Variants in UGGT1 observed in about 807,000 individuals in gnomAD.
UGGT1 encodes the protein UDP-glucose:glycoprotein glucosyltransferase 1.
Under a neutral mutation model 203.9 loss-of-function variants are expected in UGGT1, and 107 were observed. That is an observed-to-expected ratio of 0.52 (90% CI 0.45 to 0.62). The LOEUF (loss-of-function observed/expected upper bound fraction) is 0.62. Ranked by LOEUF, UGGT1 falls within the 20% of genes least tolerant of loss-of-function variation. UGGT1 has a pLI of 0.00. For synonymous variants in UGGT1, 628 were observed against 653.5 expected (o/e 0.96, Z 0.59); for missense variants, 1,673 against 1,867.2 (o/e 0.90, Z 1.92).
intron 6 of UGGT1, among the ~76,000 whole-genome samples, chr2:128,114,680 T>A (rs1333184753): frequency 6.6e-6 from 1 of 152,200 alleles, no homozygotes; most frequent in Non-Finnish European, 1.5e-5. Flanking sequence ...CCCTGCTCTG[T>A]AGGTTCTGGA....
intron 38 of UGGT1, among the ~76,000 whole-genome samples, chr2:128,184,828 C>T (rs1015039912): frequency 3.3e-5 from 5 of 152,044 alleles, no homozygotes; most frequent in South Asian, 4.2e-4. Context: ...ATTACAGGCA[C>T]GCACCACCAC....
At chr2:128,118,174 T>C (rs1688217660) in intron 8 of UGGT1, among the ~76,000 whole-genome samples, 1 of 152,202 alleles carries the variant, frequency 6.6e-6, no homozygotes, top group African/African-American at 2.4e-5. Flanking sequence ...ATCCTACATG[T>C]ATATACATTT....
chr2:128,182,346 T>C, intron 37 of UGGT1, 56 bp downstream of exon 37: 1 of 1,547,416 alleles, frequency 6.5e-7, no homozygotes, highest in African/African-American at 1.4e-5. Context: ...AAATTGATTT[T>C]GTGTGGTTAA....
chr2:128,095,432 C>T (rs1042896986), intron 1 of UGGT1, among the ~76,000 whole-genome samples: 8 of 17,280 alleles, frequency 4.6e-4, no homozygotes, highest in East Asian at 1.1e-3. Flanking sequence ...TTCCCCTCCT[C>T]CTTCTCTTCC....
chr2:128,190,801 A>G lies in UGGT1; in HGVS notation c.*1059A>G, dbSNP rs1462550497. On this transcript the variant is annotated 3_prime_UTR_variant, in exon 41 of 41. Coordinates refer to ENST00000259253, the MANE Select transcript of UGGT1 (RefSeq NM_020120.4). The stretch of plus-strand genomic sequence containing the variant: ...TACAAATGCCCTCAGATGTAAGACC[A>G]GAAATGATTCTGCTTGTGGAACTCG... 1.3e-5 allele frequency: 2 copies of G among 152,288 alleles called. No homozygotes were observed. The highest frequency in any genetic ancestry group is 1.9e-4 in the East Asian group (1 of 5,194). The allele number at this position is 152,288 out of a possible 1,614,324, so 9.4% of individuals were successfully genotyped here.
rs150166911 is a variant in UGGT1 at position 128,109,585 on chromosome 2, C to T, written c.409-49C>T. 100 of 1,424,730 alleles carry T rather than the reference C, an allele frequency of 7.0e-5. No individual in the cohort carries two copies. The African/African-American group carries it at 1.0e-3, about 14-fold the overall frequency. The allele number at this position is 1,424,730 out of a possible 1,614,324, so 88.3% of individuals were successfully genotyped here. ...ATTTTGATTATACATGTCTTTATCT[C>T]GTCTTTGGTTAGAAATTTAAAAAGT... On this transcript the variant is annotated intron_variant, in intron 4 of 40. Coordinates refer to ENST00000259253, the MANE Select transcript of UGGT1 (RefSeq NM_020120.4).
intron 13 of UGGT1, among the ~76,000 whole-genome samples, 187 bp from the exon 14 acceptor site, chr2:128,132,954 G>T (rs1418467563): frequency 1.3e-5 from 2 of 152,072 alleles, no homozygotes; most frequent in African/African-American, 4.8e-5. Flanking sequence ...TGATCCTCCT[G>T]CCTTGTCCTT....
At chr2:128,101,386 A>G (rs1320736322) in intron 2 of UGGT1, among the ~76,000 whole-genome samples, 1 of 152,154 alleles carries the variant, frequency 6.6e-6, no homozygotes, top group Non-Finnish European at 1.5e-5. Context: ...GTATTTTTAG[A>G]TTGGACCTGA....
chr2:128,130,622 T>C (rs1688829787), intron 13 of UGGT1, among the ~76,000 whole-genome samples: 1 of 152,180 alleles, frequency 6.6e-6, no homozygotes, highest in Non-Finnish European at 1.5e-5. Flanking sequence ...AATCATTTTG[T>C]GTCAGATTTA....
At chr2:128,181,154 A>AAG in intron 36 of UGGT1, 82 bp downstream of exon 36, 1 of 1,298,250 alleles carries the variant, frequency 7.7e-7, no homozygotes, top group Non-Finnish European at 1.1e-6. Context: ...TTTTCCACTT[A>AAG]TGGAAAAGGA....
In UGGT1 at chr2:128,144,001, A is replaced by G. The variant is rs1294416280; in HGVS notation, c.1851+776A>G. On this transcript the variant is annotated intron_variant, in intron 17 of 40. Coordinates refer to ENST00000259253, the MANE Select transcript of UGGT1 (RefSeq NM_020120.4). ...TATGATATCTTCTGTGTCTGAAAGA[A>G]GTAATTATTTTAAAAAGTAGGCAAT... 4.7e-4 allele frequency among the ~76,000 whole-genome samples: 72 copies of G among 152,208 alleles called. 1 individual carries two copies. Among genetic ancestry groups the G allele is most frequent in the Admixed American group, 4.7e-3 (72 of 15,280 alleles).
chr2:128,188,021 C>CTT (rs36115792), intron 40 of UGGT1, among the ~76,000 whole-genome samples: 11 of 124,588 alleles, frequency 8.8e-5, no homozygotes, highest in East Asian at 2.3e-4. Context: ...GTTGAAGAAA[C>CTT]TTTTTTTTTT....
intron 3 of UGGT1, among the ~76,000 whole-genome samples, chr2:128,107,198 A>C (rs4569417): frequency 0.9 from 136,842 of 152,010 alleles, 62,365 homozygotes; most frequent in Non-Finnish European, 0.98. Flanking sequence ...CATTCTTTCT[A>C]CTGGTTTAAA....
At chr2:128,136,708 C>A (rs1374439828) in intron 15 of UGGT1, among the ~76,000 whole-genome samples, 1 of 152,200 alleles carries the variant, frequency 6.6e-6, no homozygotes, top group Non-Finnish European at 1.5e-5. Context: ...ATGTCTACAG[C>A]TTCTTCGGGT....
At chr2:128,151,431 A>G (rs111590250) in intron 18 of UGGT1, 30 of 356,394 alleles carry the variant, frequency 8.4e-5, no homozygotes, top group African/African-American at 4.9e-4. Context: ...AATTGGAGTC[A>G]AGTAGATTTA....
rs1692031423 is a variant in UGGT1 at position 128,187,354 on chromosome 2, T to G, written c.4477-95T>G. The G allele has an allele frequency of 5.1e-6, 7 of 1,373,726 alleles. No homozygotes were observed. In the South Asian group the frequency reaches 7.5e-5, roughly 15 times the overall value. The allele number at this position is 1,373,726 out of a possible 1,614,324, so 85.1% of individuals were successfully genotyped here. On this transcript the variant is annotated intron_variant, in intron 39 of 40. Coordinates refer to ENST00000259253, the MANE Select transcript of UGGT1 (RefSeq NM_020120.4). ...CATTTGGTTCCTTACTATTGTTTTCTTGTCCAGTTAGGACTTGTAACCCAA... is the reference window on the plus strand; with the variant it reads ...CATTTGGTTCCTTACTATTGTTTTCGTGTCCAGTTAGGACTTGTAACCCAA...
At chr2:128,104,054 G>A in intron 3 of UGGT1, 40 bp downstream of exon 3, 1 of 1,470,146 alleles carries the variant, frequency 6.8e-7, no homozygotes, top group Non-Finnish European at 9.1e-7. Context: ...TTGGTGTCTG[G>A]GAAAATATTA....
chr2:128,127,987 T>C (rs10754934), intron 12 of UGGT1, among the ~76,000 whole-genome samples: 136,821 of 151,968 alleles, frequency 0.9, 62,366 homozygotes, highest in Non-Finnish European at 0.98. Flanking sequence ...GGCAGGAGGA[T>C]CACTTGAACC....
At chr2:128,128,738 CAT>C (rs1160805871) in intron 12 of UGGT1, among the ~76,000 whole-genome samples, 1 of 152,110 alleles carries the variant, frequency 6.6e-6, no homozygotes, top group African/African-American at 2.4e-5. Flanking sequence ...ATATATTAAG[CAT>C]ATATAATGTA....
Sources: allele counts gnomAD v4.1 joint callset (sites outside exome capture counted in the v4.1 genomes callset), GRCh38; gene constraint gnomAD v4.1.1; transcripts MANE v1.5; gene names NCBI Gene and HGNC (gene_info 2026-07-23, HGNC 2026-07-21).